The following DCC variants were observed in gnomAD, a reference collection of about 807,000 sequenced individuals.
The protein encoded by DCC is DCC netrin 1 receptor, also known as netrin receptor DCC.
In DCC, 58 loss-of-function variants were observed where a neutral mutation model predicts 172.5. The observed-to-expected ratio is 0.34, with a 90% CI of 0.27 to 0.42. DCC has a LOEUF of 0.42. DCC is among the 10% of genes least tolerant of loss of function. The pLI is 1.00. For missense variants in DCC, 1,740 were observed against 1,791.0 expected, an observed-to-expected ratio of 0.97 and a Z score of 0.51; for synonymous variants, 709 against 644.5, an observed-to-expected ratio of 1.10 and a Z score of -1.52.
At chr18:52,395,942 C>G (rs372324021) in intron 1 of DCC, among the ~76,000 whole-genome samples, 3 of 152,050 alleles carry the variant, frequency 2.0e-5, no homozygotes, top group East Asian at 3.9e-4. Flanking sequence ...AACCTTTCCA[C>G]AGATTCACAT....
At chr18:53,498,849 C>A (rs957601765) in intron 26 of DCC, among the ~76,000 whole-genome samples, 1 of 152,154 alleles carries the variant, frequency 6.6e-6, no homozygotes, top group African/African-American at 2.4e-5. Context: ...TCCTGTAACT[C>A]TGATTTGTTT....
chr18:53,167,795 CA>C, intron 8 of DCC, among the ~76,000 whole-genome samples: 1 of 152,062 alleles, frequency 6.6e-6, no homozygotes, highest in Non-Finnish European at 1.5e-5. Flanking sequence ...AAACAGAAAG[CA>C]ATGAAAACAC....
chr18:52,674,243 G>A (rs1001531551), intron 1 of DCC, among the ~76,000 whole-genome samples: 1 of 152,134 alleles, frequency 6.6e-6, no homozygotes, highest in Admixed American at 6.5e-5. Context: ...GCAAGCTGGA[G>A]ACCAAGCTTG....
intron 5 of DCC, among the ~76,000 whole-genome samples, chr18:52,993,418 C>A (rs1386774206): frequency 1.3e-5 from 2 of 152,122 alleles, no homozygotes; most frequent in East Asian, 3.9e-4. Context: ...CTGTATAAAA[C>A]ACAATGAAAA....
intron 1 of DCC, among the ~76,000 whole-genome samples, chr18:52,610,221 A>ATATATG (rs2034244731): frequency 1.1e-5 from 1 of 88,478 alleles, no homozygotes; most frequent in African/African-American, 4.8e-5. Flanking sequence ...ATATATATAT[A>ATATATG]TATATAAAAT....
intron 21 of DCC, among the ~76,000 whole-genome samples, chr18:53,433,498 G>A (rs1911752126): frequency 6.6e-6 from 1 of 152,102 alleles, no homozygotes; most frequent in Non-Finnish European, 1.5e-5. Flanking sequence ...GATGATGTTA[G>A]CATCTCTTTT....
chr18:53,075,991 G>C (rs2042720220), intron 7 of DCC, among the ~76,000 whole-genome samples: 1 of 152,050 alleles, frequency 6.6e-6, no homozygotes, highest in Admixed American at 6.6e-5. Context: ...CATATATGCT[G>C]TACTAGCCAA....
chr18:53,114,775 G>T (rs1450213730), intron 7 of DCC, among the ~76,000 whole-genome samples: 2 of 151,576 alleles, frequency 1.3e-5, no homozygotes, highest in African/African-American at 4.8e-5. Context: ...ATTTCTGTGG[G>T]CCCTGGCTCC....
At chr18:53,330,290 A>G (rs935743881) in intron 14 of DCC, among the ~76,000 whole-genome samples, 5 of 152,286 alleles carry the variant, frequency 3.3e-5, no homozygotes, top group East Asian at 3.9e-4. Flanking sequence ...CTTTGTGACT[A>G]GTACCAATAA....
chr18:52,987,606 G>T (rs1308924718), intron 5 of DCC, among the ~76,000 whole-genome samples: 2 of 152,152 alleles, frequency 1.3e-5, no homozygotes, highest in African/African-American at 2.4e-5. Flanking sequence ...TAAAGCAGGT[G>T]GGTTACATAT....
At chr18:53,102,584 G>A (rs943979023) in intron 7 of DCC, among the ~76,000 whole-genome samples, 2 of 152,064 alleles carry the variant, frequency 1.3e-5, no homozygotes, top group African/African-American at 4.8e-5. Flanking sequence ...CAGACAGTCT[G>A]CTTAGCTGAT....
chr18:52,504,388 C>T (rs1598871439), intron 1 of DCC, among the ~76,000 whole-genome samples: 2 of 152,260 alleles, frequency 1.3e-5, no homozygotes, highest in South Asian at 4.1e-4. Context: ...CTGGCTAGTA[C>T]TTCCTGTCCT....
chr18:52,491,339 T>TATA (rs998323035), intron 1 of DCC, among the ~76,000 whole-genome samples: 4 of 152,018 alleles, frequency 2.6e-5, no homozygotes, highest in African/African-American at 9.7e-5. Flanking sequence ...CAAACACATA[T>TATA]ATAATTGCAA....
chr18:52,569,256 T>A (rs1474875751), intron 1 of DCC, among the ~76,000 whole-genome samples: 1 of 152,176 alleles, frequency 6.6e-6, no homozygotes, highest in Non-Finnish European at 1.5e-5. Context: ...CTGGGTCTAT[T>A]TCCTAGTATT....
intron 1 of DCC, among the ~76,000 whole-genome samples, chr18:52,497,529 G>T (rs1250758215): frequency 6.6e-6 from 1 of 150,884 alleles, no homozygotes. Context: ...TTCCACAATG[G>T]TTTGCAATTG....
chr18:53,248,667 A>C (rs2056394091), intron 12 of DCC, among the ~76,000 whole-genome samples: 1 of 151,968 alleles, frequency 6.6e-6, no homozygotes, highest in African/African-American at 2.4e-5. Context: ...CCAATTAAAC[A>C]CTTTGTTTTT....
intron 1 of DCC, among the ~76,000 whole-genome samples, chr18:52,459,754 C>G (rs1471827401): frequency 1.3e-5 from 2 of 152,112 alleles, no homozygotes; most frequent in Non-Finnish European, 2.9e-5. Context: ...CAGGCGTGAG[C>G]AACCGCGCCC....
intron 25 of DCC, among the ~76,000 whole-genome samples, chr18:53,479,209 T>C (rs2045803195): frequency 6.6e-6 from 1 of 152,258 alleles, no homozygotes; most frequent in African/African-American, 2.4e-5. Flanking sequence ...CATTACCTAA[T>C]ACATGATTTT....
chr18:53,460,294 T>G (rs76057078), intron 24 of DCC, among the ~76,000 whole-genome samples: 12 of 143,994 alleles, frequency 8.3e-5, no homozygotes, highest in East Asian at 4.0e-4. Flanking sequence ...TTTTTTTTTT[T>G]TTTTTTTTTA....
Sources: gnomAD v4.1 joint callset for allele counts (sites outside exome capture counted in the v4.1 genomes callset) on GRCh38, gnomAD v4.1.1 for gene constraint, MANE v1.5 for transcripts, NCBI Gene and HGNC (gene_info 2026-07-23, HGNC 2026-07-21) for gene names.